Variants in HCFC1 observed in about 807,000 individuals in gnomAD.
The protein encoded by HCFC1 is host cell factor C1, also known as host cell factor 1.
In HCFC1, 7 loss-of-function variants were observed where a neutral mutation model predicts 105.5. The ratio of observed to expected loss-of-function variants is 0.07; its 90% CI spans 0.04 to 0.12. The LOEUF (loss-of-function observed/expected upper bound fraction) is 0.12, where lower values mean the gene tolerates loss of function less well. Among genes scored for constraint, HCFC1 ranks in the 10% least tolerant of loss-of-function variants. The pLI is 1.00. For missense variants in HCFC1, 1,065 were observed against 1,823.6 expected (o/e 0.58, Z 7.58); for synonymous variants, 918 against 828.1 (o/e 1.11, Z -1.86).
chrX:153,956,323 C>T lies in HCFC1; in HGVS notation c.2724G>A (p.Thr908=), dbSNP rs782019241. The change falls in exon 16 of 26, where the codon ACG becomes ACA. Residue 908 remains threonine, a synonymous_variant. Transcript: ENST00000310441. ...GGHSTSASLA[T]PITTLGTIAT... ...CAATGGTGCCCAAGGTGGTGATGGG[C>T]GTGGCCAGGGAAGCACTAGTGCTGT... 1.7e-6 allele frequency: 2 copies of T among 1,211,848 alleles called. No homozygotes were observed. The highest frequency in any genetic ancestry group is 1.8e-5 in the South Asian group (1 of 57,026).
intron 16 of HCFC1, among the ~76,000 whole-genome samples, chrX:153,955,950 G>A (rs1385469887): frequency 8.8e-6 from 1 of 113,359 alleles, no homozygotes; most frequent in African/African-American, 3.2e-5. Flanking sequence ...CACTGCGAGA[G>A]GAAGAACCCG....
chrX:153,971,115 C>T lies in HCFC1; in HGVS notation c.-275G>A. 2 of 342,937 alleles carry T rather than the reference C, an allele frequency of 5.8e-6. No homozygotes were observed. Among genetic ancestry groups the T allele is most frequent in the Non-Finnish European group, 5.0e-6 (1 of 200,430 alleles). The allele number at this position is 342,937 out of a possible 1,213,427, so 28.3% of individuals were successfully genotyped here. On this transcript the variant is annotated 5_prime_UTR_variant, in exon 1 of 26. Coordinates refer to ENST00000310441, the MANE Select transcript of HCFC1 (RefSeq NM_005334.3). ...AGGCCGCTGAGTCCCGTCGCCCCGACTACTTGTCCGGGCGCTCCCGCTTAC... is the reference window on the plus strand; with the variant it reads ...AGGCCGCTGAGTCCCGTCGCCCCGATTACTTGTCCGGGCGCTCCCGCTTAC...
intron 3 of HCFC1, among the ~76,000 whole-genome samples, chrX:153,963,856 C>G (rs1476155309): frequency 8.9e-6 from 1 of 112,489 alleles, no homozygotes; most frequent in Non-Finnish European, 1.9e-5. Context: ...TCTAAGCCGA[C>G]TCCGAGAGCT....
chrX:153,958,896 T>C (rs1394625428), intron 9 of HCFC1, 130 bp from the exon 10 acceptor site: 3 of 481,469 alleles, frequency 6.2e-6, no homozygotes, highest in African/African-American at 5.0e-5. Context: ...ATGGCTCAGC[T>C]TTCTCTACTG....
rs1334140995 is a variant in HCFC1, at chrX:153,963,417, A to G, written c.520T>C (p.Tyr174His). Residue 174 changes from tyrosine to histidine, a missense_variant, in exon 4 of 26, where the codon TAT (tyrosine) becomes CAT (histidine). Tyr to His is a moderately conservative substitution (Grantham distance 83, BLOSUM62 2). Transcript: ENST00000310441. ...GAGCCTGGCCGTAATTCCAGGATAT[A>G]TAAGTCATTCAGGTACCTGACGAGG... ...NNIPRYLNDL[Y>H]ILELRPGSGV... The G allele has an allele frequency of 1.7e-5, 21 of 1,204,071 alleles. No homozygotes were observed. Among genetic ancestry groups the G allele is most frequent in the Non-Finnish European group, 2.4e-5 (21 of 889,466 alleles).
Position 153,959,585 on chromosome X carries a change from C to G in HCFC1, c.1445-94G>C, listed in dbSNP as rs2065410051. The G allele has an allele frequency of 5.7e-6, 6 of 1,059,213 alleles. No individual in the cohort carries two copies. In the South Asian group the frequency reaches 1.2e-4, roughly 21 times the overall value. 87.3% of individuals were successfully genotyped at this position (1,059,213 alleles called of 1,213,427 possible). On this transcript the variant is annotated intron_variant, in intron 8 of 25. Coordinates refer to ENST00000310441, the MANE Select transcript of HCFC1 (RefSeq NM_005334.3). The stretch of plus-strand genomic sequence containing the variant: ...GCCCTGAGCCACTTCTGTTGGCCTG[C>G]TTGTGTGGGAGTCTGGCTCTTCTCT...
At position 153,951,967 on chromosome X, in the gene HCFC1, G is replaced by A; in HGVS notation, c.5134C>T (p.Leu1712Phe). The A allele has an allele frequency of 8.4e-7, 1 of 1,193,327 alleles. No individual in the cohort carries two copies. The highest frequency in any genetic ancestry group is 1.9e-5 in the South Asian group (1 of 53,682). ...GCAGGGGCCAGGGCCTCAGTGGGGAGGTGGTGATGCTGCTGCTGGGCCTGG... is the reference window on the plus strand; with the variant it reads ...GCAGGGGCCAGGGCCTCAGTGGGGAAGTGGTGATGCTGCTGCTGGGCCTGG... ...EAQAQQQHHH[L>F]PTEALAPADS... Residue 1712 changes from leucine (L) to phenylalanine (F), a missense_variant, in exon 20 of 26, where the codon CTC (leucine) becomes TTC (phenylalanine). Leu to Phe is a conservative substitution (Grantham distance 22, BLOSUM62 0). Coordinates refer to ENST00000310441, the MANE Select transcript of HCFC1 (RefSeq NM_005334.3).
Position 153,948,655 on chromosome X carries a change from T to A in HCFC1, c.*692A>T, listed in dbSNP as rs1368205254. 2.7e-5 allele frequency: 3 copies of A among 113,130 alleles called. No individual in the cohort carries two copies. The highest frequency in any genetic ancestry group is 5.6e-5 in the Non-Finnish European group (3 of 53,323). 9.3% of individuals were successfully genotyped at this position (113,130 alleles called of 1,213,427 possible). A position where few individuals can be genotyped will look rare whatever the true frequency, so the allele number is the denominator to read the frequency against. On this transcript the variant is annotated 3_prime_UTR_variant, in exon 26 of 26. Coordinates refer to ENST00000310441, the MANE Select transcript of HCFC1 (RefSeq NM_005334.3). ...CTAAAAAACACAACAAATGCAGCAGTTGGCAGTGCGGCCTGCAGGGAGGTC... is the reference window on the plus strand; with the variant it reads ...CTAAAAAACACAACAAATGCAGCAGATGGCAGTGCGGCCTGCAGGGAGGTC...
chrX:153,952,253 C>T (rs1239717062), intron 19 of HCFC1, 95 bp from the exon 20 acceptor site: 2 of 1,071,474 alleles, frequency 1.9e-6, no homozygotes, highest in East Asian at 3.4e-5. Context: ...CTAGAGACCC[C>T]GTCCACCTCC....
At chrX:153,956,086 G>A in intron 16 of HCFC1, 105 bp downstream of exon 16, 1 of 760,094 alleles carries the variant, frequency 1.3e-6, no homozygotes. Context: ...CCCGGCAGCA[G>A]CGCAACACCA....
chrX:153,971,294 G>T lies in HCFC1; in HGVS notation c.-454C>A. On this transcript the variant is annotated 5_prime_UTR_variant, in exon 1 of 26. Transcript: ENST00000310441. ...GCACTGGCCGGCTTCCGGGGCGGGT[G>T]GAAAGGAGCCACAAGCGCCGCGGTC... 1 of 299,807 alleles carries T rather than the reference G, an allele frequency of 3.3e-6. No homozygotes were observed. The highest frequency in any genetic ancestry group is 5.8e-6 in the Non-Finnish European group (1 of 171,440). The allele number at this position is 299,807 out of a possible 1,213,427, so 24.7% of individuals were successfully genotyped here.
chrX:153,957,254 G>T, intron 13 of HCFC1, 60 bp downstream of exon 13: 1 of 1,039,392 alleles, frequency 9.6e-7, no homozygotes. Flanking sequence ...TTATAACCCG[G>T]ACTCCATTTC....
chrX:153,956,170 T>C (rs1228179126), intron 16 of HCFC1, 21 bp downstream of exon 16: 6 of 1,190,866 alleles, frequency 5.0e-6, no homozygotes, highest in Non-Finnish European at 6.8e-6. Flanking sequence ...CGCCCACACG[T>C]GGCCTCAGGC....
At position 153,951,816 on chromosome X, in the gene HCFC1, C is replaced by G. The variant is rs782388479; in HGVS notation, c.5260+25G>C. The G allele has an allele frequency of 1.3e-5, 15 of 1,178,989 alleles. No individual in the cohort carries two copies. The Admixed American group carries it at 3.2e-4, about 26-fold the overall frequency. On this transcript the variant is annotated intron_variant, in intron 20 of 25. Transcript: ENST00000310441. ...TCCCTGGGTGCCCCCACCACCCCAG[C>G]ACCAATTCGCCCTCAGTCGCTTACT...
In HCFC1 at chrX:153,956,431, A is replaced by G. The variant is rs2065377462; in HGVS notation, c.2636-20T>C. The G allele has an allele frequency of 8.4e-7, 1 of 1,184,786 alleles. No homozygotes were observed. Among genetic ancestry groups the G allele is most frequent in the Non-Finnish European group, 1.1e-6 (1 of 873,919 alleles). ...TGACACCTGAAGGAAAGGAGGCAAG[A>G]GTTGGGCCAAGGCTGCTGCTGTCTC... On this transcript the variant is annotated intron_variant, in intron 15 of 25. Transcript: ENST00000310441.
Position 153,958,067 on chromosome X carries a change from G to A in HCFC1, c.1986C>T (p.Thr662=), listed in dbSNP as rs377463848. The change falls in exon 11 of 26, where the codon ACC becomes ACT. Residue 662 remains threonine (T), a synonymous_variant. Coordinates refer to ENST00000310441, the MANE Select transcript of HCFC1 (RefSeq NM_005334.3). ...TVVGGVTKTI[T]LVKSPISVPG... ...GGACAGAGATGGGGCTCTTCACCAGGGTGATGGTCTTGGTGACCCCGCCCA... is the reference window on the plus strand; with the variant it reads ...GGACAGAGATGGGGCTCTTCACCAGAGTGATGGTCTTGGTGACCCCGCCCA... The A allele has an allele frequency of 6.9e-5, 83 of 1,210,540 alleles. No homozygotes were observed. The African/African-American group carries it at 1.4e-3, about 20-fold the overall frequency.
chrX:153,950,778 C>G, intron 23 of HCFC1, 35 bp downstream of exon 23: 1 of 1,192,558 alleles, frequency 8.4e-7, no homozygotes, highest in Admixed American at 2.2e-5. Flanking sequence ...CAGAAACCAA[C>G]CAGGGACAGA....
chrX:153,963,987 T>C, intron 3 of HCFC1, 137 bp downstream of exon 3: 1 of 482,265 alleles, frequency 2.1e-6, no homozygotes, highest in East Asian at 4.2e-5. Context: ...GGTGCCGCTC[T>C]CTCATTTACA....
Position 153,955,627 on chromosome X carries a change from G to C in HCFC1, c.2857-85C>G, listed in dbSNP as rs782360831. 83 of 970,440 alleles carry C rather than the reference G, an allele frequency of 8.6e-5. No individual in the cohort carries two copies. The Middle Eastern group carries it at 1.4e-3, about 16-fold the overall frequency. 80.0% of individuals were successfully genotyped at this position (970,440 alleles called of 1,213,427 possible). ...CACTGTCCTGCACTGTCACCACACA[G>C]GCTGGGACCACTGACCACTTCTCAA... On this transcript the variant is annotated intron_variant, in intron 16 of 25. Transcript: ENST00000310441.
Sources: allele counts gnomAD v4.1 joint callset (sites outside exome capture counted in the v4.1 genomes callset), GRCh38; gene constraint gnomAD v4.1.1; transcripts MANE v1.5; gene names NCBI Gene and HGNC (gene_info 2026-07-23, HGNC 2026-07-21).